Variants in SHANK2 observed in about 807,000 individuals in gnomAD.
SHANK2 encodes the protein SH3 and multiple ankyrin repeat domains protein 2.
Under a neutral mutation model 133.7 loss-of-function variants are expected in SHANK2, and 43 were observed. The ratio of observed to expected loss-of-function variants is 0.32; its 90% CI spans 0.25 to 0.41. The LOEUF (loss-of-function observed/expected upper bound fraction) is 0.41, where lower values mean the gene tolerates loss of function less well. SHANK2 is among the 10% of genes least tolerant of loss of function. The pLI, the probability that SHANK2 is intolerant of heterozygous loss-of-function variation, is 1.00. For missense variants in SHANK2, 1,994 were observed against 2,235.8 expected (o/e 0.89, Z 2.18); for synonymous variants, 1,017 against 952.8 (o/e 1.07, Z -1.24).
intron 15 of SHANK2, among the ~76,000 whole-genome samples, chr11:70,681,280 T>C (rs1268504301): frequency 6.6e-6 from 1 of 152,186 alleles, no homozygotes; most frequent in East Asian, 1.9e-4. Context: ...AAACAGCTCC[T>C]GCACAGAGAT....
At chr11:71,140,953 C>T (rs1952543075) in intron 3 of SHANK2, among the ~76,000 whole-genome samples, 1 of 152,228 alleles carries the variant, frequency 6.6e-6, no homozygotes, top group South Asian at 2.1e-4. Context: ...GGCTTCCATC[C>T]AGCAGGTTTC....
chr11:70,750,596 C>T (rs574461942), intron 14 of SHANK2, among the ~76,000 whole-genome samples: 10 of 152,196 alleles, frequency 6.6e-5, no homozygotes, highest in East Asian at 1.9e-4. Context: ...TCCATGGACA[C>T]GGAAAATGTC....
At chr11:70,503,197 C>CACAGCTGCTGCAGAGG (rs1555159272) in intron 17 of SHANK2, among the ~76,000 whole-genome samples, 1 of 152,150 alleles carries the variant, frequency 6.6e-6, no homozygotes, top group Non-Finnish European at 1.5e-5. Flanking sequence ...CTGAGTCCTC[C>CACAGCTGCTGCAGAGG]ACAGCTGCTG....
At chr11:71,124,167 A>ATGATGGTGATGGTGATGATGG (rs1952132190) in intron 3 of SHANK2, among the ~76,000 whole-genome samples, 1 of 143,982 alleles carries the variant, frequency 6.9e-6, no homozygotes, top group Admixed American at 7.0e-5. Context: ...TATGATAGCG[A>ATGATGGTGATGGTGATGATGG]TGATGGTGAT....
chr11:70,692,788 A>G (rs1555021363), intron 15 of SHANK2, among the ~76,000 whole-genome samples: 1 of 152,226 alleles, frequency 6.6e-6, no homozygotes, highest in Non-Finnish European at 1.5e-5. Flanking sequence ...AAGCCATGAA[A>G]ATAGGGAGCT....
intron 14 of SHANK2, among the ~76,000 whole-genome samples, chr11:70,770,376 C>G (rs1183073672): frequency 1.3e-5 from 2 of 152,208 alleles, no homozygotes; most frequent in East Asian, 3.9e-4. Flanking sequence ...GTCCTCATGC[C>G]TCTGCTCATC....
chr11:71,131,786 G>T (rs2135333040), intron 3 of SHANK2, among the ~76,000 whole-genome samples: 3 of 152,314 alleles, frequency 2.0e-5, no homozygotes, highest in Middle Eastern at 3.4e-3. Flanking sequence ...AGTCCTGACT[G>T]CAGACACAAA....
chr11:70,833,111 T>C (rs1459515413), intron 11 of SHANK2, among the ~76,000 whole-genome samples: 1 of 152,222 alleles, frequency 6.6e-6, no homozygotes, highest in Non-Finnish European at 1.5e-5. Context: ...TTCGAGCCCA[T>C]CAGACACATG....
At chr11:71,203,065 G>C (rs1336976542) in intron 2 of SHANK2, among the ~76,000 whole-genome samples, 1 of 152,234 alleles carries the variant, frequency 6.6e-6, no homozygotes, top group African/African-American at 2.4e-5. Context: ...TGCTCATGGA[G>C]CAGGTGGCCC....
chr11:70,785,649 A>G (rs761262380), intron 14 of SHANK2, among the ~76,000 whole-genome samples: 38 of 152,098 alleles, frequency 2.5e-4, no homozygotes, highest in Non-Finnish European at 4.3e-4. Flanking sequence ...AGGTCTCTAG[A>G]GGGTGTTCCA....
At chr11:70,640,009 T>A (rs782071572) in intron 17 of SHANK2, among the ~76,000 whole-genome samples, 8 of 152,114 alleles carry the variant, frequency 5.3e-5, no homozygotes, top group Non-Finnish European at 1.2e-4. Context: ...GCCCAGGCCG[T>A]CCAGGGGCCT....
chr11:70,813,253 A>C (rs1555053563), intron 12 of SHANK2, among the ~76,000 whole-genome samples: 1 of 152,144 alleles, frequency 6.6e-6, no homozygotes, highest in East Asian at 1.9e-4. Context: ...GCCTACCCAC[A>C]AAAGGCTACA....
chr11:70,548,103 C>T (rs2059717458), intron 17 of SHANK2, among the ~76,000 whole-genome samples: 2 of 152,240 alleles, frequency 1.3e-5, no homozygotes, highest in African/African-American at 4.8e-5. Context: ...GGAGCCACTG[C>T]CCTCTCACTC....
chr11:70,878,008 G>A (rs1744660596), intron 11 of SHANK2, among the ~76,000 whole-genome samples: 1 of 152,262 alleles, frequency 6.6e-6, no homozygotes. Context: ...GTCCGGCGAA[G>A]AATGCAGAGA....
At chr11:71,186,146 A>G (rs782082588) in intron 2 of SHANK2, among the ~76,000 whole-genome samples, 2 of 152,196 alleles carry the variant, frequency 1.3e-5, no homozygotes, top group Non-Finnish European at 2.9e-5. Flanking sequence ...CTCTGAACCC[A>G]ATTTGATGCC....
At chr11:70,750,654 G>A (rs1555037297) in intron 14 of SHANK2, among the ~76,000 whole-genome samples, 1 of 152,196 alleles carries the variant, frequency 6.6e-6, no homozygotes. Context: ...GTGTGAAGTG[G>A]TGTGTGAACT....
chr11:71,217,148 G>T (rs1954430310), intron 2 of SHANK2, among the ~76,000 whole-genome samples: 1 of 151,852 alleles, frequency 6.6e-6, no homozygotes, highest in Non-Finnish European at 1.5e-5. Context: ...AGTGAGTCAA[G>T]ATCGTGCCAT....
intron 10 of SHANK2, among the ~76,000 whole-genome samples, chr11:70,928,609 G>T (rs577054264): frequency 6.6e-6 from 1 of 152,182 alleles, no homozygotes; most frequent in African/African-American, 2.4e-5. Flanking sequence ...AGATCCCTGG[G>T]GGGGAAGAGG....
chr11:70,940,489 G>T (rs139636154), intron 10 of SHANK2, among the ~76,000 whole-genome samples: 8 of 151,676 alleles, frequency 5.3e-5, no homozygotes, highest in African/African-American at 1.9e-4. Flanking sequence ...TCTTAACCTC[G>T]TGATCCACCC....
Sources: gnomAD v4.1 joint callset for allele counts (sites outside exome capture counted in the v4.1 genomes callset) on GRCh38, gnomAD v4.1.1 for gene constraint, MANE v1.5 for transcripts, NCBI Gene and HGNC (gene_info 2026-07-23, HGNC 2026-07-21) for gene names.